Variants in CCDC171 observed in about 807,000 individuals in gnomAD.
CCDC171 encodes coiled-coil domain containing 171.
In CCDC171, 177 loss-of-function variants were observed where a neutral mutation model predicts 168.2. That is an observed-to-expected ratio of 1.05 (90% CI 0.93 to 1.19). The LOEUF is 1.19. CCDC171 is among the 50% of genes most tolerant of loss of function. CCDC171 has a pLI of 0.00. For synonymous variants in CCDC171, 687 were observed against 540.8 expected (o/e 1.27, Z -3.75); for missense variants, 1,991 against 1,539.0 (o/e 1.29, Z -4.91).
rs531838022 is a variant in CCDC171 at position 15,821,415 on chromosome 9, C to T, written c.3268-25287C>T. On this transcript the variant is annotated intron_variant, in intron 21 of 25. Coordinates refer to ENST00000380701, the MANE Select transcript of CCDC171 (RefSeq NM_173550.4). ...TCAAATTGTCCCTGTTTGCAGATCA[C>T]ATGATTGTATATCTAGAAAACCCCA... 4.3e-5 allele frequency among the ~76,000 whole-genome samples: 5 copies of T among 117,586 alleles called. 2 individuals carry two copies. The highest frequency in any genetic ancestry group is 9.5e-5 in the Non-Finnish European group (5 of 52,406). 77.1% of individuals were successfully genotyped at this position (117,586 alleles called of 152,430 possible).
At chr9:15,747,398 G>A (rs200645044) in intron 18 of CCDC171, among the ~76,000 whole-genome samples, 7 of 152,272 alleles carry the variant, frequency 4.6e-5, no homozygotes, top group South Asian at 2.1e-4. Flanking sequence ...GTTCAAGCTC[G>A]AATAACGGGC....
chr9:15,642,333 G>A lies in CCDC171; in HGVS notation c.823-14794G>A, dbSNP rs1253663445. Among the ~76,000 whole-genome samples the A allele has an allele frequency of 2.7e-4, 4 of 14,568 alleles. No individual in the cohort carries two copies. In the East Asian group the frequency reaches 0.023, roughly 83 times the overall value. 9.6% of individuals were successfully genotyped at this position (14,568 alleles called of 152,430 possible). ...TATACACGTATATATATATATACAC[G>A]TGTGTGTGTGTATATATATATATAT... On this transcript the variant is annotated intron_variant, in intron 7 of 25. Coordinates refer to ENST00000380701, the MANE Select transcript of CCDC171 (RefSeq NM_173550.4).
At chr9:16,096,464 G>T in the CCDC171 span, among the ~76,000 whole-genome samples, 1 of 152,240 alleles carries the variant, frequency 6.6e-6, no homozygotes, top group Non-Finnish European at 1.5e-5. Context: ...TGCTATGTTC[G>T]TGAGTTAAAA....
At position 15,765,854 on chromosome 9, in the gene CCDC171, C is replaced by T. The variant is rs549508273; in HGVS notation, c.2672-11746C>T. 1.6e-3 allele frequency among the ~76,000 whole-genome samples: 250 copies of T among 152,190 alleles called. 2 individuals carry two copies. The highest frequency in any genetic ancestry group is 5.7e-3 in the African/African-American group (236 of 41,522). The stretch of plus-strand genomic sequence containing the variant: ...GTTATAATTGTTGGGAGAAAATTCT[C>T]CATAGGTCTTGTGTTTTTGCATATT... On this transcript the variant is annotated intron_variant, in intron 18 of 25. Transcript: ENST00000380701.
chr9:15,628,638 G>C lies in CCDC171; in HGVS notation c.822+5225G>C, dbSNP rs527916379. Among the ~76,000 whole-genome samples the C allele has an allele frequency of 7.9e-5, 12 of 152,344 alleles. No homozygotes were observed. The South Asian group carries it at 2.3e-3, about 29-fold the overall frequency. Reference sequence around the variant, plus strand: ...CAAAAAGACAGCAGTAACCTCTGCAGACTTAAATGTCCCTGTCTGACAGCT... The same window carrying C: ...CAAAAAGACAGCAGTAACCTCTGCACACTTAAATGTCCCTGTCTGACAGCT... On this transcript the variant is annotated intron_variant, in intron 7 of 25. Coordinates refer to ENST00000380701, the MANE Select transcript of CCDC171 (RefSeq NM_173550.4).
intron 16 of CCDC171, among the ~76,000 whole-genome samples, chr9:15,736,506 T>G (rs1333374222): frequency 6.6e-6 from 1 of 151,900 alleles, no homozygotes; most frequent in African/African-American, 2.4e-5. Context: ...CACGCCACCA[T>G]GCTCTGCTGA....
At chr9:15,846,209 T>C (rs2060886392) in intron 21 of CCDC171, among the ~76,000 whole-genome samples, 1 of 152,152 alleles carries the variant, frequency 6.6e-6, no homozygotes, top group Admixed American at 6.6e-5. Context: ...TATATATTTA[T>C]AAAGACAGTA....
chr9:16,036,665 A>T (rs1274289437), intron 8 of CCDC171, among the ~76,000 whole-genome samples: 1 of 152,160 alleles, frequency 6.6e-6, no homozygotes, highest in Non-Finnish European at 1.5e-5. Context: ...ACAAGCAAAA[A>T]ACAAATTTAC....
the CCDC171 span, among the ~76,000 whole-genome samples, chr9:16,099,947 A>G: frequency 6.6e-6 from 1 of 152,048 alleles, no homozygotes; most frequent in African/African-American, 2.4e-5. Context: ...AGGCCAGTCT[A>G]TGACAAACTA....
chr9:15,996,747 A>G (rs1056630505), intron 3 of CCDC171, among the ~76,000 whole-genome samples: 3 of 152,134 alleles, frequency 2.0e-5, no homozygotes, highest in Non-Finnish European at 4.4e-5. Flanking sequence ...TTAGTACTGA[A>G]GTATAAAAGG....
At chr9:15,967,835 A>T (rs991435486) in intron 25 of CCDC171, among the ~76,000 whole-genome samples, 2 of 152,196 alleles carry the variant, frequency 1.3e-5, no homozygotes, top group Admixed American at 1.3e-4. Flanking sequence ...ATTCTAGAAG[A>T]CTTAACTTGA....
At chr9:15,896,979 C>T (rs1290779229) in intron 24 of CCDC171, among the ~76,000 whole-genome samples, 11 of 151,874 alleles carry the variant, frequency 7.2e-5, no homozygotes, top group African/African-American at 1.7e-4. Context: ...GATAATTTTC[C>T]GGGCAGTGCA....
chr9:16,081,610 G>T, the CCDC171 span, among the ~76,000 whole-genome samples: 1 of 152,186 alleles, frequency 6.6e-6, no homozygotes, highest in Non-Finnish European at 1.5e-5. Context: ...CAGAGCAACA[G>T]AGCCCAGGCT....
chr9:15,950,817 A>C (rs947225400), intron 25 of CCDC171, among the ~76,000 whole-genome samples: 6 of 151,826 alleles, frequency 4.0e-5, no homozygotes, highest in Non-Finnish European at 8.8e-5. Context: ...CAATTAAAAG[A>C]CACAGACTGG....
intron 3 of CCDC171, among the ~76,000 whole-genome samples, chr9:15,577,618 A>T (rs547033130): frequency 1.3e-5 from 2 of 152,378 alleles, no homozygotes; most frequent in African/African-American, 4.8e-5. Flanking sequence ...GTGTTTAGTT[A>T]GGAAAACAGA....
chr9:15,571,813 A>G, intron 3 of CCDC171, 54 bp downstream of exon 3: 4 of 1,476,522 alleles, frequency 2.7e-6, no homozygotes, highest in Non-Finnish European at 2.7e-6. Context: ...GATTTTTTAG[A>G]TTTATTTCAT....
chr9:16,095,343 CT>C, the CCDC171 span, among the ~76,000 whole-genome samples: 1 of 152,160 alleles, frequency 6.6e-6, no homozygotes, highest in Non-Finnish European at 1.5e-5. Flanking sequence ...GGTCAAACTG[CT>C]CTGGGGAAGA....
intron 3 of CCDC171, among the ~76,000 whole-genome samples, chr9:15,993,018 C>A (rs1232688483): frequency 6.6e-6 from 1 of 152,160 alleles, no homozygotes; most frequent in Non-Finnish European, 1.5e-5. Flanking sequence ...GGCCATACTT[C>A]CCAAGGTAAT....
chr9:15,848,060 C>T (rs909383650), intron 22 of CCDC171, among the ~76,000 whole-genome samples: 6 of 152,058 alleles, frequency 3.9e-5, no homozygotes, highest in Non-Finnish European at 4.4e-5. Context: ...AGGTAATTTC[C>T]AGTGAGTCTT....
Sources: allele counts gnomAD v4.1 joint callset (sites outside exome capture counted in the v4.1 genomes callset), GRCh38; gene constraint gnomAD v4.1.1; transcripts MANE v1.5; gene names NCBI Gene and HGNC (gene_info 2026-07-23, HGNC 2026-07-21).